ZDHHC2: variants seen among roughly 807,000 people sequenced by gnomAD.
ZDHHC2 encodes the protein zDHHC palmitoyltransferase 2, also known as palmitoyltransferase ZDHHC2.
In ZDHHC2, 51 loss-of-function variants were observed where a neutral mutation model predicts 55.6. The ratio of observed to expected loss-of-function variants is 0.92; its 90% confidence interval spans 0.73 to 1.16. ZDHHC2 has a LOEUF of 1.16. Ranked by LOEUF, ZDHHC2 falls within the 50% of genes most tolerant of loss-of-function variation. The pLI, the probability that ZDHHC2 is intolerant of heterozygous loss-of-function variation, is 0.00. For missense variants in ZDHHC2, 491 were observed against 442.4 expected, an observed-to-expected ratio of 1.11 and a Z score of -0.99; for synonymous variants, 199 against 152.9, an observed-to-expected ratio of 1.30 and a Z score of -2.22.
rs553485166 is a variant in ZDHHC2, at chr8:17,210,146, G to C, written c.857+88G>C. On this transcript the variant is annotated intron_variant, in intron 9 of 12. Transcript: ENST00000262096. Reference sequence around the variant, plus strand: ...TCAGGAAAAGCCTCTAGTTCCATAGGCTTGTAATTCTGTGTAGGAACTCTT... The same window carrying C: ...TCAGGAAAAGCCTCTAGTTCCATAGCCTTGTAATTCTGTGTAGGAACTCTT... The C allele has an allele frequency of 3.5e-6, 5 of 1,420,910 alleles. No homozygotes were observed. The African/African-American group carries it at 5.8e-5, about 16-fold the overall frequency. 88.0% of individuals were successfully genotyped at this position (1,420,910 alleles called of 1,614,324 possible).
chr8:17,206,747 C>T (rs181352874), intron 7 of ZDHHC2, among the ~76,000 whole-genome samples: 10 of 152,260 alleles, frequency 6.6e-5, no homozygotes, highest in Admixed American at 5.9e-4. Context: ...TCCTTGTGAA[C>T]ACCAAATGAC....
Position 17,209,851 on chromosome 8 carries a change from T to G in ZDHHC2, c.731-81T>G, listed in dbSNP as rs559718037. 9.1e-6 allele frequency: 13 copies of G among 1,435,496 alleles called. No individual in the cohort carries two copies. The East Asian group carries it at 2.8e-4, about 31-fold the overall frequency. The allele number at this position is 1,435,496 out of a possible 1,614,324, so 88.9% of individuals were successfully genotyped here. A position where few individuals can be genotyped will look rare whatever the true frequency, so the allele number is the denominator to read the frequency against. ...CATTGATTTTCAGAGTTTCTTCATT[T>G]ACTTCAATTATTGATAAATATTCAG... On this transcript the variant is annotated intron_variant, in intron 8 of 12. Transcript: ENST00000262096.
chr8:17,173,975 G>A (rs547982904), intron 1 of ZDHHC2, among the ~76,000 whole-genome samples: 66 of 152,206 alleles, frequency 4.3e-4, no homozygotes, highest in African/African-American at 1.5e-3. Context: ...GAGGCATCGA[G>A]GGAAAATGAT....
chr8:17,162,511 T>C (rs576404632), intron 1 of ZDHHC2, among the ~76,000 whole-genome samples: 159 of 152,300 alleles, frequency 1.0e-3, no homozygotes, highest in Admixed American at 2.6e-3. Context: ...GATAATTAAT[T>C]GTCTCTAGAG....
intron 1 of ZDHHC2, among the ~76,000 whole-genome samples, chr8:17,169,301 T>C (rs1046141000): frequency 6.6e-6 from 1 of 151,876 alleles, no homozygotes; most frequent in Middle Eastern, 3.4e-3. Flanking sequence ...GGGCAGGGGA[T>C]TGTGAAGAAT....
rs1401843555 is a variant in ZDHHC2, at chr8:17,210,447, C to G, written c.917C>G (p.Ser306Cys). The G allele has an allele frequency of 1.2e-6, 2 of 1,613,040 alleles. No individual in the cohort carries two copies. Among genetic ancestry groups the G allele is most frequent in the East Asian group, 2.2e-5 (1 of 44,826 alleles). The change falls in exon 10 of 13, where the codon TCT (serine) becomes TGT (cysteine). Residue 306 changes from serine (S) to cysteine (C), a missense_variant. Transcript: ENST00000262096. ...GTTAACCAGGATCCTGAACAAGCAT[C>G]TACTCCTGCAGGGCTGAATTCCACA... ...CLVNQDPEQA[S>C]TPAGLNSTAK...
At position 17,180,353 on chromosome 8, in the gene ZDHHC2, C is replaced by T. The variant is rs117618836; in HGVS notation, c.131-4436C>T. Among the ~76,000 whole-genome samples, 21 of 152,068 alleles carry T rather than the reference C, an allele frequency of 1.4e-4. No individual in the cohort carries two copies. In the East Asian group the frequency reaches 1.9e-3, roughly 14 times the overall value. ...AAACAAGTTTCTGAAATGACACATCCGTTTAAAAAGGCAATTGACTTATAA... is the reference window on the plus strand; with the variant it reads ...AAACAAGTTTCTGAAATGACACATCTGTTTAAAAAGGCAATTGACTTATAA... On this transcript the variant is annotated intron_variant, in intron 1 of 12. Coordinates refer to ENST00000262096, the MANE Select transcript of ZDHHC2 (RefSeq NM_016353.5).
intron 6 of ZDHHC2, among the ~76,000 whole-genome samples, chr8:17,201,481 CTTTTTTT>C (rs1171396792): frequency 3.3e-4 from 8 of 24,306 alleles, no homozygotes; most frequent in Non-Finnish European, 7.2e-4. Flanking sequence ...CTCTCTCTCT[CTTTTTTT>C]TTTTTTTTTT....
intron 1 of ZDHHC2, among the ~76,000 whole-genome samples, chr8:17,181,696 T>C (rs929085091): frequency 2.0e-5 from 3 of 152,152 alleles, no homozygotes; most frequent in African/African-American, 7.2e-5. Context: ...TTAAAACCAA[T>C]AGTTATTTTT....
intron 7 of ZDHHC2, among the ~76,000 whole-genome samples, chr8:17,206,749 C>G (rs1235884902): frequency 6.6e-6 from 1 of 152,044 alleles, no homozygotes; most frequent in Non-Finnish European, 1.5e-5. Flanking sequence ...CTTGTGAACA[C>G]CAAATGACAG....
chr8:17,160,451 C>A (rs1440403049), intron 1 of ZDHHC2, among the ~76,000 whole-genome samples: 3 of 152,172 alleles, frequency 2.0e-5, no homozygotes, highest in Admixed American at 6.5e-5. Context: ...CCAGGCTAAC[C>A]CCTTCTGTAT....
chr8:17,179,740 T>C (rs774533046), intron 1 of ZDHHC2, among the ~76,000 whole-genome samples: 5 of 152,180 alleles, frequency 3.3e-5, no homozygotes, highest in African/African-American at 4.8e-5. Flanking sequence ...AATTTTACTT[T>C]TGGCAAACAG....
chr8:17,198,360 G>A, intron 5 of ZDHHC2, 21 bp from the exon 6 acceptor site: 1 of 1,595,008 alleles, frequency 6.3e-7, no homozygotes, highest in Non-Finnish European at 8.5e-7. Context: ...ATTAGGTTTT[G>A]TGTTCTGCTT....
In ZDHHC2 at chr8:17,209,993, C is replaced by T. The variant is rs1585735108; in HGVS notation, c.792C>T (p.Phe264=). 1.9e-6 allele frequency: 3 copies of T among 1,611,164 alleles called. No individual in the cohort carries two copies. The East Asian group carries it at 6.7e-5, about 36-fold the overall frequency. Residue 264 remains phenylalanine (F), a synonymous_variant, in exon 9 of 13, where the codon TTC becomes TTT. Coordinates refer to ENST00000262096, the MANE Select transcript of ZDHHC2 (RefSeq NM_016353.5). Reference sequence around the variant, plus strand: ...ATAAGAATGGATTCAGCTTGGGTTTCAGTAAAAACATGCGACAAGTTTTTG... The same window carrying T: ...ATAAGAATGGATTCAGCTTGGGTTTTAGTAAAAACATGCGACAAGTTTTTG... ...GTDKNGFSLG[F]SKNMRQVFGD...
chr8:17,187,305 A>G (rs1428815625), intron 3 of ZDHHC2, among the ~76,000 whole-genome samples: 2 of 152,182 alleles, frequency 1.3e-5, no homozygotes, highest in Non-Finnish European at 2.9e-5. Flanking sequence ...GGAGCAAAGA[A>G]TTGTGTCTCA....
At chr8:17,202,732 T>TACACAC (rs766151469) in intron 6 of ZDHHC2, among the ~76,000 whole-genome samples, 1 of 132,828 alleles carries the variant, frequency 7.5e-6, no homozygotes, top group African/African-American at 3.5e-5. Flanking sequence ...TATATATATA[T>TACACAC]ATACACACAC....
At chr8:17,166,702 G>C (rs927882810) in intron 1 of ZDHHC2, among the ~76,000 whole-genome samples, 7 of 152,132 alleles carry the variant, frequency 4.6e-5, no homozygotes, top group African/African-American at 1.2e-4. Flanking sequence ...GCCCAATGAA[G>C]GGGAGGAAAA....
chr8:17,158,433 C>G (rs1015729714), intron 1 of ZDHHC2, among the ~76,000 whole-genome samples: 18 of 152,124 alleles, frequency 1.2e-4, no homozygotes, highest in African/African-American at 4.3e-4. Flanking sequence ...AGCTAAGACG[C>G]TTATCTTGGT....
At chr8:17,188,165 TTGTC>T (rs1805817602) in intron 3 of ZDHHC2, among the ~76,000 whole-genome samples, 1 of 152,384 alleles carries the variant, frequency 6.6e-6, no homozygotes, top group African/African-American at 2.4e-5. Context: ...TTTGCAATGT[TTGTC>T]TGGTCATACT....
Sources: gnomAD v4.1 joint callset for allele counts (sites outside exome capture counted in the v4.1 genomes callset) on GRCh38, gnomAD v4.1.1 for gene constraint, MANE v1.5 for transcripts, NCBI Gene and HGNC (gene_info 2026-07-23, HGNC 2026-07-21) for gene names.